The following PAK6 variants were observed in gnomAD, a reference collection of about 807,000 sequenced individuals.
PAK6 encodes serine/threonine-protein kinase PAK 6.
PAK6 carries 33 observed loss-of-function variants against 60.8 expected under a neutral mutation model. That is an observed-to-expected ratio of 0.54 (90% CI 0.41 to 0.73). PAK6 has a LOEUF of 0.73. Ranked by LOEUF, PAK6 falls within the 30% of genes least tolerant of loss-of-function variation. The pLI, the probability that PAK6 is intolerant of heterozygous loss-of-function variation, is 0.00. For missense variants in PAK6, 845 were observed against 904.1 expected, an observed-to-expected ratio of 0.93 and a Z score of 0.84; for synonymous variants, 404 against 378.5, an observed-to-expected ratio of 1.07 and a Z score of -0.78.
intron 2 of PAK6, chr15:40,252,972 G>T: frequency 1.5e-6 from 1 of 657,282 alleles, no homozygotes. Context: ...CTGGAGAGGG[G>T]CCGCCCCGGA....
exon 5 of PAK6, chr15:40,266,292 G>A (rs761887113): frequency 1.2e-6 from 2 of 1,611,652 alleles, no homozygotes; most frequent in South Asian, 2.2e-5. Flanking sequence ...TGGAATGAAG[G>A]CTGCCAAGCA....
chr15:40,243,596 C>T (rs989532266), intron 2 of PAK6, among the ~76,000 whole-genome samples: 2 of 152,122 alleles, frequency 1.3e-5, no homozygotes, highest in South Asian at 2.1e-4. Context: ...ATACCTTGTT[C>T]GGGGGAATCA....
chr15:40,267,255 C>T (rs2039168339), intron 5 of PAK6, among the ~76,000 whole-genome samples: 1 of 152,136 alleles, frequency 6.6e-6, no homozygotes, highest in South Asian at 2.1e-4. Context: ...TGGGTACTCC[C>T]CTGTCATCGG....
chr15:40,257,628 C>T (rs1011667375), intron 3 of PAK6, among the ~76,000 whole-genome samples: 2 of 152,242 alleles, frequency 1.3e-5, no homozygotes, highest in South Asian at 2.1e-4. Context: ...TGGTCTGTCT[C>T]GCACAGCAAT....
chr15:40,266,243 C>T (rs1268428094), exon 5 of PAK6: 1 of 1,610,544 alleles, frequency 6.2e-7, no homozygotes. Context: ...TGCAGAGCTC[C>T]CCACCAGGAG....
At chr15:40,251,836 G>T (rs2038677423) in intron 2 of PAK6, 1 of 152,766 alleles carries the variant, frequency 6.5e-6, no homozygotes, top group African/African-American at 2.4e-5. Context: ...TGGCACAGGG[G>T]CAGCCAGGAG....
At chr15:40,249,490 G>A (rs140858818) in intron 2 of PAK6, among the ~76,000 whole-genome samples, 152 of 152,300 alleles carry the variant, frequency 1.0e-3, no homozygotes, top group African/African-American at 3.0e-3. Flanking sequence ...AGCTTTGTAC[G>A]GGGCCTGGCC....
chr15:40,262,067 G>A (rs1320254847), intron 3 of PAK6, among the ~76,000 whole-genome samples: 5 of 152,066 alleles, frequency 3.3e-5, no homozygotes, highest in African/African-American at 7.2e-5. Flanking sequence ...GGTGGGGGGC[G>A]GATTCACCAG....
intron 2 of PAK6, among the ~76,000 whole-genome samples, chr15:40,248,174 C>T (rs980988911): frequency 2.0e-5 from 3 of 152,242 alleles, no homozygotes; most frequent in Non-Finnish European, 4.4e-5. Context: ...GTCAACTTCC[C>T]TCCTGCCTGG....
At chr15:40,276,282 C>T in exon 11 of PAK6, 1 of 588,038 alleles carries the variant, frequency 1.7e-6, no homozygotes, top group Non-Finnish European at 3.0e-6. Flanking sequence ...AGTGTCTCTC[C>T]CTCCCGAGTC....
At chr15:40,249,242 C>T (rs2038590905) in intron 2 of PAK6, among the ~76,000 whole-genome samples, 1 of 152,010 alleles carries the variant, frequency 6.6e-6, no homozygotes, top group African/African-American at 2.4e-5. Flanking sequence ...ACCCCGCCTC[C>T]TAATACCCTC....
At chr15:40,249,817 C>G (rs1404577276) in intron 2 of PAK6, among the ~76,000 whole-genome samples, 1 of 152,244 alleles carries the variant, frequency 6.6e-6, no homozygotes, top group African/African-American at 2.4e-5. Context: ...CCTGCCCCAC[C>G]CGATGTGCCC....
exon 10 of PAK6, chr15:40,274,223 G>A: frequency 6.2e-7 from 1 of 1,613,704 alleles, no homozygotes. Flanking sequence ...CCCAGTGCAA[G>A]CCATGAAGAG....
Position 40,258,203 on chromosome 15 carries a change from G to A in PAK6, c.-6+4914G>A, listed in dbSNP as rs148257878. On this transcript the variant is annotated intron_variant, in intron 3 of 10. Coordinates refer to ENST00000560346, the Ensembl canonical transcript of PAK6. ...GCCTCTGACTCACAGGTCAGCCCAGGAAAGAATTCAGCAGGCTTCTTCCCT... is the reference window on the plus strand; with the variant it reads ...GCCTCTGACTCACAGGTCAGCCCAGAAAAGAATTCAGCAGGCTTCTTCCCT... Among the ~76,000 whole-genome samples, 160 of 152,350 alleles carry A rather than the reference G, an allele frequency of 1.1e-3. 1 individual carries two copies. Among genetic ancestry groups the A allele is most frequent in the African/African-American group, 3.7e-3 (154 of 41,582 alleles).
chr15:40,240,583 T>TTTTTTTTTTTTC lies in PAK6; in HGVS notation c.-200-16_-200-15insTTTTTTTTTTTC. The TTTTTTTTTTTTC allele has an allele frequency of 2.4e-6, 1 of 411,044 alleles. No individual in the cohort carries two copies. The highest frequency in any genetic ancestry group is 1.8e-5 in the South Asian group (1 of 56,854). The allele number at this position is 411,044 out of a possible 1,614,324, so 25.5% of individuals were successfully genotyped here. ...TTTCCTTTTTTTTTTTTTTTTTTTT[T>TTTTTTTTTTTTC]CTATTTTGCCTGAAGGGAGTGCCGC... is the stretch of plus-strand genomic sequence containing the variant. On this transcript the variant is annotated splice_polypyrimidine_tract_variant and intron_variant, in intron 1 of 10. Coordinates refer to ENST00000560346, the Ensembl canonical transcript of PAK6.
At chr15:40,263,852 G>A in intron 3 of PAK6, 1 of 453,790 alleles carries the variant, frequency 2.2e-6, no homozygotes, top group South Asian at 1.6e-5. Flanking sequence ...CCTGACCTCA[G>A]GTGATCCACC....
intron 2 of PAK6, chr15:40,250,695 T>G (rs2038641450): frequency 6.6e-6 from 1 of 152,238 alleles, no homozygotes. Context: ...TCATACTTTA[T>G]TGTAGTTCTG....
chr15:40,253,060 G>A (rs1361750716), intron 2 of PAK6, 118 bp from the exon 3 acceptor site: 1 of 389,622 alleles, frequency 2.6e-6, no homozygotes, highest in Non-Finnish European at 5.0e-6. Flanking sequence ...TGAGCCAGGA[G>A]TTCAGTCGGG....
intron 5 of PAK6, among the ~76,000 whole-genome samples, chr15:40,268,429 C>T (rs2039207561): frequency 6.6e-6 from 1 of 152,218 alleles, no homozygotes; most frequent in South Asian, 2.1e-4. Flanking sequence ...CACTCGAGCA[C>T]ACCCATTAAG....
Sources: gnomAD v4.1 joint callset for allele counts (sites outside exome capture counted in the v4.1 genomes callset) on GRCh38, gnomAD v4.1.1 for gene constraint, MANE v1.5 for transcripts, NCBI Gene and HGNC (gene_info 2026-07-23, HGNC 2026-07-21) for gene names.